SNX29: variants seen among roughly 807,000 people sequenced by gnomAD.
SNX29 encodes sorting nexin-29.
SNX29 carries 78 observed loss-of-function variants against 102.1 expected under a neutral mutation model. That is an observed-to-expected ratio of 0.76 (90% confidence interval 0.64 to 0.92). The LOEUF (loss-of-function observed/expected upper bound fraction) is 0.92, where lower values mean the gene tolerates loss of function less well. Ranked by LOEUF, SNX29 falls within the 40% of genes least tolerant of loss-of-function variation. The pLI is 0.00. For synonymous variants in SNX29, 580 were observed against 414.5 expected (o/e 1.40, Z -4.85); for missense variants, 1,280 against 1,061.7 (o/e 1.21, Z -2.86).
At chr16:12,178,817 T>G (rs1310859586) in intron 13 of SNX29, among the ~76,000 whole-genome samples, 1 of 152,236 alleles carries the variant, frequency 6.6e-6, no homozygotes, top group Admixed American at 6.5e-5. Flanking sequence ...GGAGCATATT[T>G]GACTAGATGA....
intron 20 of SNX29, among the ~76,000 whole-genome samples, 171 bp from the exon 21 acceptor site, chr16:12,568,335 C>G (rs570666411): frequency 1.4e-5 from 2 of 147,680 alleles, no homozygotes; most frequent in East Asian, 2.1e-4. Flanking sequence ...GTTTACGTGA[C>G]AATAGGGGTT....
chr16:12,137,935 T>C (rs2054722606), intron 13 of SNX29, among the ~76,000 whole-genome samples: 1 of 152,190 alleles, frequency 6.6e-6, no homozygotes, highest in Non-Finnish European at 1.5e-5. Flanking sequence ...GAAAAGCCAG[T>C]AGGCTTCATC....
At chr16:12,489,911 T>C (rs2088457109) in intron 19 of SNX29, among the ~76,000 whole-genome samples, 1 of 152,098 alleles carries the variant, frequency 6.6e-6, no homozygotes, top group South Asian at 2.1e-4. Flanking sequence ...GTTCAAACAA[T>C]TCTTGTGCCT....
At chr16:12,513,340 C>CCTGCCCTGAG (rs767626657) in intron 19 of SNX29, among the ~76,000 whole-genome samples, 4 of 124,234 alleles carry the variant, frequency 3.2e-5, no homozygotes, top group African/African-American at 1.3e-4. Context: ...CCTGCCCTGC[C>CCTGCCCTGAG]CTGCCCTGCT....
At chr16:12,130,019 G>T (rs1288842792) in intron 13 of SNX29, among the ~76,000 whole-genome samples, 1 of 151,700 alleles carries the variant, frequency 6.6e-6, no homozygotes, top group African/African-American at 2.4e-5. Flanking sequence ...CAGGAGAATT[G>T]CTTGAACCCG....
chr16:12,229,999 C>G (rs889305105), intron 14 of SNX29, among the ~76,000 whole-genome samples: 2 of 152,238 alleles, frequency 1.3e-5, no homozygotes, highest in African/African-American at 4.8e-5. Flanking sequence ...GTCACAACTG[C>G]TCAGCTCTGC....
At chr16:12,129,071 A>G (rs960705733) in intron 12 of SNX29, among the ~76,000 whole-genome samples, 3 of 152,178 alleles carry the variant, frequency 2.0e-5, no homozygotes, top group African/African-American at 7.2e-5. Flanking sequence ...GTGATATAAG[A>G]TATTTTTTAT....
intron 13 of SNX29, among the ~76,000 whole-genome samples, chr16:12,185,931 T>G (rs1329166348): frequency 6.6e-6 from 1 of 152,176 alleles, no homozygotes; most frequent in Non-Finnish European, 1.5e-5. Context: ...CTCAAAGTGT[T>G]TCCTAGGTTC....
At chr16:12,540,551 C>T (rs1044841084) in intron 20 of SNX29, among the ~76,000 whole-genome samples, 4 of 152,226 alleles carry the variant, frequency 2.6e-5, no homozygotes, top group Admixed American at 6.5e-5. Context: ...GGCAGCCACC[C>T]TATGCCATGG....
intron 3 of SNX29, among the ~76,000 whole-genome samples, chr16:12,010,565 G>A (rs968419796): frequency 1.2e-4 from 18 of 152,180 alleles, no homozygotes; most frequent in African/African-American, 4.3e-4. Flanking sequence ...GGTCGAGGCT[G>A]CAGTGAGTCA....
intron 18 of SNX29, among the ~76,000 whole-genome samples, chr16:12,429,074 T>C (rs558033049): frequency 9.9e-5 from 15 of 151,554 alleles, no homozygotes; most frequent in African/African-American, 3.4e-4. Context: ...GCAACTAATA[T>C]CTCCTAGTTA....
chr16:12,332,381 G>A (rs936322687), intron 15 of SNX29, among the ~76,000 whole-genome samples: 10 of 152,282 alleles, frequency 6.6e-5, no homozygotes, highest in Middle Eastern at 3.4e-3. Flanking sequence ...ATTAACTTTG[G>A]CATCTAGCTG....
intron 9 of SNX29, among the ~76,000 whole-genome samples, chr16:12,062,730 C>T (rs985192206): frequency 1.3e-5 from 2 of 152,120 alleles, no homozygotes; most frequent in African/African-American, 4.8e-5. Context: ...TGACTGGAGC[C>T]CACTAATCAC....
intron 20 of SNX29, among the ~76,000 whole-genome samples, chr16:12,543,923 C>G (rs2077462582): frequency 6.6e-6 from 1 of 152,178 alleles, no homozygotes; most frequent in Non-Finnish European, 1.5e-5. Context: ...AAGGTGGAAT[C>G]CGGCACCCTC....
At chr16:12,339,371 A>T (rs1435093129) in intron 15 of SNX29, among the ~76,000 whole-genome samples, 1 of 31,782 alleles carries the variant, frequency 3.1e-5, no homozygotes, top group African/African-American at 1.2e-4. Context: ...ATTCTGTCTC[A>T]AAAAAAAAAA....
At position 12,570,076 on chromosome 16, in the gene SNX29, G is replaced by A. The variant is rs1042550956; in HGVS notation, c.*1447G>A. ...ACATCTCTGGAGAATCATCTGGAAG[G>A]TTTATACTGTGCCTTCCCCTCGTAG... On this transcript the variant is annotated 3_prime_UTR_variant, in exon 21 of 21. Transcript: ENST00000566228. 17 of 744,230 alleles carry A rather than the reference G, an allele frequency of 2.3e-5. No homozygotes were observed. The highest frequency in any genetic ancestry group is 1.1e-4 in the African/African-American group (6 of 54,478). 46.1% of individuals were successfully genotyped at this position (744,230 alleles called of 1,614,324 possible). A position where few individuals can be genotyped will look rare whatever the true frequency, so the allele number is the denominator to read the frequency against.
intron 18 of SNX29, among the ~76,000 whole-genome samples, chr16:12,410,296 GT>G (rs1444404057): frequency 6.6e-6 from 1 of 151,240 alleles, no homozygotes; most frequent in African/African-American, 2.4e-5. Context: ...GCCTGGCCGC[GT>G]TTTTTTCTTC....
At chr16:12,377,168 C>T (rs955202904) in intron 16 of SNX29, among the ~76,000 whole-genome samples, 8 of 152,174 alleles carry the variant, frequency 5.3e-5, no homozygotes, top group East Asian at 1.9e-4. Flanking sequence ...AGGAGCTTTA[C>T]GTCTCTGAGC....
intron 15 of SNX29, among the ~76,000 whole-genome samples, chr16:12,308,479 A>T (rs1030315301): frequency 3.9e-5 from 6 of 152,120 alleles, no homozygotes; most frequent in African/African-American, 7.2e-5. Context: ...CCCTCTGCAG[A>T]TACTGTCATT....
Sources: allele counts gnomAD v4.1 joint callset (sites outside exome capture counted in the v4.1 genomes callset), GRCh38; gene constraint gnomAD v4.1.1; transcripts MANE v1.5; gene names NCBI Gene and HGNC (gene_info 2026-07-23, HGNC 2026-07-21).